RABGEF1: variants seen among roughly 807,000 people sequenced by gnomAD.
RABGEF1 encodes the protein RAB guanine nucleotide exchange factor 1, also known as rab5 GDP/GTP exchange factor.
A neutral mutation model predicts 57.3 loss-of-function variants in RABGEF1; 26 were observed. The ratio of observed to expected loss-of-function variants is 0.45; its 90% CI spans 0.33 to 0.63. The LOEUF (loss-of-function observed/expected upper bound fraction) is 0.63. Among genes scored for constraint, RABGEF1 ranks in the 20% least tolerant of loss-of-function variants. RABGEF1 has a pLI of 0.02. For synonymous variants in RABGEF1, 185 were observed against 210.7 expected, an observed-to-expected ratio of 0.88 and a Z score of 1.06; for missense variants, 464 against 607.6, an observed-to-expected ratio of 0.76 and a Z score of 2.48.
chr7:66,799,821 C>T (rs1164109821), intron 7 of RABGEF1, among the ~76,000 whole-genome samples: 1 of 152,006 alleles, frequency 6.6e-6, no homozygotes, highest in Non-Finnish European at 1.5e-5. Flanking sequence ...GCAAGGTAAT[C>T]CCCACGCTGG....
intron 1 of RABGEF1, among the ~76,000 whole-genome samples, chr7:66,711,064 G>A (rs539101867): frequency 4.6e-5 from 7 of 152,196 alleles, no homozygotes; most frequent in East Asian, 1.9e-4. Flanking sequence ...GGAGGCTGAG[G>A]TGGAAGGATC....
chr7:66,741,772 T>TCCTC (rs2129048534), intron 1 of RABGEF1, among the ~76,000 whole-genome samples: 1 of 152,196 alleles, frequency 6.6e-6, no homozygotes, highest in African/African-American at 2.4e-5. Context: ...CCTTAAGTGA[T>TCCTC]CCTCCCGCCT....
intron 1 of RABGEF1, among the ~76,000 whole-genome samples, chr7:66,707,881 C>A (rs1286865176): frequency 2.0e-5 from 3 of 152,078 alleles, no homozygotes; most frequent in Non-Finnish European, 4.4e-5. Context: ...TCTCTAGTAA[C>A]ATTTTTTTTG....
At chr7:66,684,137 C>G (rs1442497116) in intron 1 of RABGEF1, among the ~76,000 whole-genome samples, 1 of 152,108 alleles carries the variant, frequency 6.6e-6, no homozygotes, top group Non-Finnish European at 1.5e-5. Flanking sequence ...TTAGCTGGGT[C>G]CTTATGTGGT....
chr7:66,769,416 T>A (rs1335078143), intron 1 of RABGEF1, among the ~76,000 whole-genome samples: 1 of 152,208 alleles, frequency 6.6e-6, no homozygotes, highest in Non-Finnish European at 1.5e-5. Context: ...AGCCAAAGAT[T>A]GTTGTTTCAG....
At chr7:66,756,292 A>G (rs1371739246) in intron 1 of RABGEF1, among the ~76,000 whole-genome samples, 2 of 152,224 alleles carry the variant, frequency 1.3e-5, no homozygotes, top group East Asian at 3.8e-4. Context: ...TGCTATGCTT[A>G]TGAGGTTATG....
At chr7:66,704,783 C>A (rs1383190931) in intron 1 of RABGEF1, among the ~76,000 whole-genome samples, 1 of 151,340 alleles carries the variant, frequency 6.6e-6, no homozygotes, top group Non-Finnish European at 1.5e-5. Context: ...TGCACTCCAG[C>A]CTGGGTGACA....
chr7:66,741,322 G>C (rs1179990373), intron 1 of RABGEF1, among the ~76,000 whole-genome samples: 1 of 152,224 alleles, frequency 6.6e-6, no homozygotes, highest in African/African-American at 2.4e-5. Context: ...CCGGAGTTGG[G>C]AGGGGATTTG....
intron 1 of RABGEF1, among the ~76,000 whole-genome samples, chr7:66,686,142 A>G (rs1353857822): frequency 6.6e-6 from 1 of 152,072 alleles, no homozygotes; most frequent in Non-Finnish European, 1.5e-5. Context: ...TTAGCCAGGC[A>G]TGGTGGTGTG....
At chr7:66,775,737 CCCT>C (rs1808367053) in intron 3 of RABGEF1, among the ~76,000 whole-genome samples, 1 of 152,074 alleles carries the variant, frequency 6.6e-6, no homozygotes, top group African/African-American at 2.4e-5. Context: ...TGGTATAATA[CCCT>C]CACTGTTCAT....
Position 66,805,317 on chromosome 7 carries a change from C to T in RABGEF1, c.998C>T (p.Ser333Phe). 1 of 1,614,196 alleles carries T rather than the reference C, an allele frequency of 6.2e-7. No individual in the cohort carries two copies. The highest frequency in any genetic ancestry group is 8.5e-7 in the Non-Finnish European group (1 of 1,180,040). The change falls in exon 8 of 9, where the codon TCT (serine) becomes TTT (phenylalanine). Residue 333 changes from serine (S) to phenylalanine (F), a missense_variant. This residue lies in a region of RABGEF1 where 284 missense variants were observed against 389.9 expected (regional missense o/e 0.73). Transcript: ENST00000284957. Reference sequence around the variant, plus strand: ...AAGGGCAACCCCCCACGCCTTCAGTCTAATATCCAGTATATCACGCGCTTC... The same window carrying T: ...AAGGGCAACCCCCCACGCCTTCAGTTTAATATCCAGTATATCACGCGCTTC... Reference protein sequence around the residue: ...VLKGNPPRLQSNIQYITRFCN... With the variant: ...VLKGNPPRLQFNIQYITRFCN...
At chr7:66,781,724 C>G (rs1436491128) in intron 3 of RABGEF1, among the ~76,000 whole-genome samples, 1 of 152,156 alleles carries the variant, frequency 6.6e-6, no homozygotes, top group African/African-American at 2.4e-5. Context: ...TCTATGTAGC[C>G]CTCTCCCCTC....
At chr7:66,724,149 T>C (rs1174520435) in intron 2 of RABGEF1, among the ~76,000 whole-genome samples, 2 of 152,102 alleles carry the variant, frequency 1.3e-5, no homozygotes, top group Non-Finnish European at 1.5e-5. Flanking sequence ...TAACAGCTTT[T>C]TCCCCCCAGC....
At chr7:66,681,136 C>A (rs1181979814), upstream of RABGEF1, among the ~76,000 whole-genome samples, 2 of 152,130 alleles carry the variant, frequency 1.3e-5, no homozygotes, top group Non-Finnish European at 2.9e-5. Context: ...AACACCACAG[C>A]GACAATTAGC....
chr7:66,752,522 T>A (rs951507750), intron 1 of RABGEF1, among the ~76,000 whole-genome samples: 11 of 152,010 alleles, frequency 7.2e-5, no homozygotes, highest in Admixed American at 3.3e-4. Flanking sequence ...TTGATTTTTG[T>A]CTCTTCCAAA....
intron 1 of RABGEF1, among the ~76,000 whole-genome samples, chr7:66,762,116 C>A (rs904914640): frequency 7.9e-5 from 12 of 151,758 alleles, no homozygotes; most frequent in African/African-American, 2.9e-4. Flanking sequence ...ATGGTAGTTA[C>A]CAGCCAGGGA....
At chr7:66,674,427 ATCCACCCACTT>A in the RABGEF1 span, among the ~76,000 whole-genome samples, 1 of 151,742 alleles carries the variant, frequency 6.6e-6, no homozygotes, top group African/African-American at 2.4e-5. Flanking sequence ...AGCTCAGGTG[ATCCACCCACTT>A]CGGCCTCCGA....
chr7:66,677,219 A>G (rs1446972645), upstream of RABGEF1, among the ~76,000 whole-genome samples: 1 of 152,200 alleles, frequency 6.6e-6, no homozygotes, highest in Non-Finnish European at 1.5e-5. Flanking sequence ...AAGAAATCTA[A>G]CAAACTAGGA....
At chr7:66,772,716 C>G (rs1807446492) in intron 2 of RABGEF1, among the ~76,000 whole-genome samples, 1 of 152,006 alleles carries the variant, frequency 6.6e-6, no homozygotes. Context: ...CGAGACCAGC[C>G]TGACCAACAT....
Sources: allele counts gnomAD v4.1 joint callset (sites outside exome capture counted in the v4.1 genomes callset), GRCh38; gene constraint gnomAD v4.1.1; regional missense constraint gnomAD v4.1.1; transcripts MANE v1.5; gene names NCBI Gene and HGNC (gene_info 2026-07-23, HGNC 2026-07-21).